MTCL2: variants seen among roughly 807,000 people sequenced by gnomAD.
MTCL2 encodes the protein microtubule cross-linking factor 2.
the MTCL2 span, chr20:36,780,215 C>T: frequency 1.3e-5 from 2 of 151,502 alleles, no homozygotes; most frequent in East Asian, 1.9e-4. Flanking sequence ...AGGACAAATA[C>T]TATATGATTC....
At chr20:36,812,127 G>C in the MTCL2 span, among the ~76,000 whole-genome samples, 1 of 152,206 alleles carries the variant, frequency 6.6e-6, no homozygotes, top group Non-Finnish European at 1.5e-5. Flanking sequence ...GTAGAACTGA[G>C]ACTTGAACTC....
the MTCL2 span, chr20:36,817,284 A>G: frequency 1.3e-5 from 11 of 821,992 alleles, no homozygotes; most frequent in South Asian, 1.8e-4. Context: ...AAAAAAAAAA[A>G]GAAAAGAAAA....
At chr20:36,777,841 C>T in the MTCL2 span, 1 of 625,072 alleles carries the variant, frequency 1.6e-6, no homozygotes, top group African/African-American at 2.0e-5. Flanking sequence ...GCTCTCTTCC[C>T]AGCTGCTGGG....
chr20:36,798,132 C>T, the MTCL2 span, among the ~76,000 whole-genome samples: 7 of 151,494 alleles, frequency 4.6e-5, no homozygotes, highest in South Asian at 4.2e-4. Context: ...TGCTGTGGTA[C>T]GATCGCAGCT....
At chr20:36,794,271 C>T in the MTCL2 span, 1 of 1,551,904 alleles carries the variant, frequency 6.4e-7, no homozygotes, top group Non-Finnish European at 8.7e-7. This position sits in a 1 kb window ranked among gnomAD's most constrained non-coding sequence, Gnocchi z 5.4. Context: ...ATCTTGCCCT[C>T]TTTGTCATGA....
At chr20:36,777,592 A>G in the MTCL2 span, 4 of 455,562 alleles carry the variant, frequency 8.8e-6, no homozygotes, top group African/African-American at 8.2e-5. Context: ...CACCCGATCC[A>G]TCCTAGGAAG....
chr20:36,812,989 C>T, the MTCL2 span: 7 of 973,140 alleles, frequency 7.2e-6, no homozygotes, highest in Middle Eastern at 3.3e-4. Context: ...GTAGATTCAC[C>T]TCTGCAACCC....
the MTCL2 span, among the ~76,000 whole-genome samples, chr20:36,847,506 C>T: frequency 4.6e-5 from 7 of 152,078 alleles, no homozygotes; most frequent in Non-Finnish European, 8.8e-5. Flanking sequence ...CAGGGCAGAC[C>T]GTGGCACAGA....
chr20:36,863,322 G>T, the MTCL2 span: 1 of 1,179,624 alleles, frequency 8.5e-7, no homozygotes, highest in South Asian at 4.2e-5. This position sits in a 1 kb window ranked among gnomAD's most constrained non-coding sequence, Gnocchi z 6.2. Context: ...CCGGACCGGG[G>T]GCTCGGCCGC....
At chr20:36,799,432 C>T in the MTCL2 span, among the ~76,000 whole-genome samples, 2 of 151,898 alleles carry the variant, frequency 1.3e-5, no homozygotes, top group African/African-American at 2.4e-5. Flanking sequence ...GCAGAGGTTG[C>T]GGTGAGCCAA....
At chr20:36,802,158 C>T in the MTCL2 span, among the ~76,000 whole-genome samples, 1 of 151,488 alleles carries the variant, frequency 6.6e-6, no homozygotes, top group South Asian at 2.1e-4. Context: ...TGGTAGCACA[C>T]GCCTGTAATC....
At chr20:36,814,838 G>A in the MTCL2 span, among the ~76,000 whole-genome samples, 1 of 152,192 alleles carries the variant, frequency 6.6e-6, no homozygotes, top group African/African-American at 2.4e-5. Flanking sequence ...AGTGAGCCGA[G>A]ATTGCGCCAC....
chr20:36,795,791 A>G, the MTCL2 span, among the ~76,000 whole-genome samples: 2 of 151,490 alleles, frequency 1.3e-5, no homozygotes, highest in South Asian at 2.1e-4. Context: ...AAAAACAAAA[A>G]CAAAAAAAAC....
chr20:36,821,749 A>G, the MTCL2 span, among the ~76,000 whole-genome samples: 1 of 152,194 alleles, frequency 6.6e-6, no homozygotes, highest in Non-Finnish European at 1.5e-5. Context: ...TCACGTTTAC[A>G]TTTAAATACA....
the MTCL2 span, among the ~76,000 whole-genome samples, chr20:36,800,752 A>G: frequency 4.9e-4 from 70 of 141,878 alleles, no homozygotes; most frequent in Non-Finnish European, 8.7e-4. Context: ...AAAGTAAAGC[A>G]ATGAGATAGC....
the MTCL2 span, among the ~76,000 whole-genome samples, chr20:36,834,759 T>C: frequency 2.0e-5 from 3 of 152,150 alleles, no homozygotes; most frequent in Non-Finnish European, 4.4e-5. Context: ...CCCAGCACTT[T>C]GGGAGGCCGA....
the MTCL2 span, among the ~76,000 whole-genome samples, chr20:36,788,200 C>CAA: frequency 2.7e-4 from 21 of 76,642 alleles, no homozygotes; most frequent in Non-Finnish European, 3.5e-4. Flanking sequence ...GACTCCATCT[C>CAA]AAAAAAAAAA....
chr20:36,783,396 G>A, the MTCL2 span: 1 of 152,166 alleles, frequency 6.6e-6, no homozygotes, highest in Non-Finnish European at 1.5e-5. Context: ...AAAGAGGTGA[G>A]ACATAAGAAA....
chr20:36,839,280 G>A, the MTCL2 span: 131 of 1,611,398 alleles, frequency 8.1e-5, no homozygotes, highest in Non-Finnish European at 1.1e-4. This position sits in a 1 kb window ranked among gnomAD's most constrained non-coding sequence, Gnocchi z 5.1. Context: ...GGGCGGCACG[G>A]AGACTGCGGC....
Sources: gnomAD v4.1 joint callset for allele counts (sites outside exome capture counted in the v4.1 genomes callset) on GRCh38, gnomAD v4.1.1 for gene constraint, Gnocchi (gnomAD v3.1) non-coding constraint, MANE v1.5 for transcripts, NCBI Gene and HGNC (gene_info 2026-07-23, HGNC 2026-07-21) for gene names.